Variants in ABCA7 observed in about 807,000 individuals in gnomAD.
ABCA7 encodes the protein phospholipid-transporting ATPase ABCA7.
In ABCA7, 261 loss-of-function variants were observed where a neutral mutation model predicts 227.6. The observed-to-expected ratio is 1.15, with a 90% CI of 1.04 to 1.27. The LOEUF is 1.27. Among genes scored for constraint, ABCA7 ranks in the 50% most tolerant of loss-of-function variants. The pLI is 0.00. For synonymous variants in ABCA7, 1,488 were observed against 1,279.7 expected (o/e 1.16, Z -3.47); for missense variants, 3,331 against 2,924.5 (o/e 1.14, Z -3.21).
intron 21 of ABCA7, 147 bp from the exon 22 acceptor site, chr19:1,051,795 G>T: frequency 8.3e-7 from 1 of 1,206,564 alleles, no homozygotes; most frequent in Non-Finnish European, 1.1e-6. Flanking sequence ...GGCCAGAAAA[G>T]GTTTCCAACA....
intron 12 of ABCA7, among the ~76,000 whole-genome samples, chr19:1,045,858 T>C (rs2144720731): frequency 6.6e-6 from 1 of 151,860 alleles, no homozygotes; most frequent in Admixed American, 6.6e-5. Context: ...GTACAAAAAA[T>C]TAGCCGGGCG....
rs570602213 is a variant in ABCA7, at chr19:1,063,530, G to T, written c.5713-14G>T. On this transcript the variant is annotated splice_polypyrimidine_tract_variant and intron_variant, in intron 42 of 46. Coordinates refer to ENST00000263094, the MANE Select transcript of ABCA7 (RefSeq NM_019112.4). ...AATATGAGTCCCCATGCCTACTCTGGCCCCACCCCACAGACCGCTGGCTCG... is the reference window on the plus strand; with the variant it reads ...AATATGAGTCCCCATGCCTACTCTGTCCCCACCCCACAGACCGCTGGCTCG... The T allele has an allele frequency of 2.6e-5, 42 of 1,609,264 alleles. No individual in the cohort carries two copies. In the East Asian group the frequency reaches 8.7e-4, roughly 33 times the overall value.
At chr19:1,042,271 C>G (rs2040120582) in intron 5 of ABCA7, 44 bp from the exon 6 acceptor site, 1 of 1,578,872 alleles carries the variant, frequency 6.3e-7, no homozygotes, top group Middle Eastern at 1.7e-4. Context: ...GTGCCTCAGA[C>G]CAACGTCCCC....
rs1460601682 is a variant in ABCA7, at chr19:1,056,114, C to G, written c.4287C>G (p.Gly1429=). The change falls in exon 32 of 47, where the codon GGC becomes GGG. Residue 1429 remains glycine (G), a synonymous_variant. Transcript: ENST00000263094. This position sits in a 1 kb window ranked among gnomAD's most constrained non-coding sequence, Gnocchi z 4.3. ...LGGRDPGLPS[G]QELGRSVEEL... ...GCCGAGACCCAGGCCTGCCCTCGGG[C>G]CAAGAGTTGGGCCGCTCAGTGGAGG... 1 of 1,607,898 alleles carries G rather than the reference C, an allele frequency of 6.2e-7. No individual in the cohort carries two copies. The highest frequency in any genetic ancestry group is 1.1e-5 in the South Asian group (1 of 90,802).
rs761317340 is a variant in ABCA7 at position 1,041,991 on chromosome 19, G to A, written c.302+19G>A. On this transcript the variant is annotated intron_variant, in intron 4 of 46. Coordinates refer to ENST00000263094, the MANE Select transcript of ABCA7 (RefSeq NM_019112.4). ...ACTCCCTGTGAGCCAGAGGCAGTGGGTGCGGCCGGCCTGCAAACTCGGGGC... is the reference window on the plus strand; with the variant it reads ...ACTCCCTGTGAGCCAGAGGCAGTGGATGCGGCCGGCCTGCAAACTCGGGGC... 1.3e-6 allele frequency: 2 copies of A among 1,577,284 alleles called. No individual in the cohort carries two copies. The highest frequency in any genetic ancestry group is 3.6e-5 in the Admixed American group (2 of 55,534).
chr19:1,047,897 C>G (rs1436672674), intron 16 of ABCA7, among the ~76,000 whole-genome samples: 1 of 152,206 alleles, frequency 6.6e-6, no homozygotes, highest in African/African-American at 2.4e-5. Flanking sequence ...TGGCCAGAAG[C>G]TGGCACAGTC....
chr19:1,058,717 TG>T lies in ABCA7; in HGVS notation c.5250del (p.Leu1751CysfsTer13). The T allele has an allele frequency of 6.2e-7, 1 of 1,613,954 alleles. No homozygotes were observed. The highest frequency in any genetic ancestry group is 8.5e-7 in the Non-Finnish European group (1 of 1,179,970). ...CCCCTCTTCCTTCTCTTCACACTAC[TG>T]CTGCAGCACCGAAGCCAACTCCTGC... Reference protein sequence around the residue: ...QGPLFLLFTLLLQHRSQLLPQ... With the variant: ...QGPLFLLFTLXLQHRSQLLPQ... On this transcript the variant is annotated frameshift_variant, in exon 38 of 47. Coordinates refer to ENST00000263094, the MANE Select transcript of ABCA7 (RefSeq NM_019112.4). LOFTEE classifies it high-confidence loss of function.
rs764702858 is a variant in ABCA7 at position 1,055,214 on chromosome 19, GC to G, written c.4071del (p.Asp1358ThrfsTer15). On this transcript the variant is annotated frameshift_variant, in exon 30 of 47. Transcript: ENST00000263094. LOFTEE classifies it high-confidence loss of function. The part of the protein sequence containing the change: ...CSRPGARRLL[P>X]DCPAAAGGPP... ...GCCGGCCCGGTGCCCGGCGCCTGCT[GC>G]CCGACTGCCCGGCTGCAGCTGGTGG... 3 of 1,608,392 alleles carry G rather than the reference GC, an allele frequency of 1.9e-6. No homozygotes were observed. The highest frequency in any genetic ancestry group is 1.1e-5 in the South Asian group (1 of 90,468).
Position 1,049,059 on chromosome 19 carries a change from C to G in ABCA7, c.2380+54C>G, listed in dbSNP as rs7249766. ...TTGTCCACATATGCCCAGTTCCCCC[C>G]CAAAACGAGATTCCACAGATGCCAA... On this transcript the variant is annotated intron_variant, in intron 17 of 46. Transcript: ENST00000263094. 7.7e-3 allele frequency: 8,000 copies of G among 1,042,746 alleles called. 415 individuals are homozygous for G. In the African/African-American group the frequency reaches 0.11, roughly 14 times the overall value. 64.6% of individuals were successfully genotyped at this position (1,042,746 alleles called of 1,614,324 possible).
chr19:1,049,242 G>A (rs764863575), intron 17 of ABCA7, 24 bp from the exon 18 acceptor site: 1 of 1,575,576 alleles, frequency 6.3e-7, no homozygotes, highest in Admixed American at 1.7e-5. Flanking sequence ...GACCTCCATG[G>A]CTGAGTCCAC....
At position 1,054,145 on chromosome 19, in the gene ABCA7, G is replaced by A. The variant is rs376498134; in HGVS notation, c.3577+35G>A. ...TCCCAGTGGCCCTGGGGTCCTCCCA[G>A]CCACCCCCCCACAGCAGCGTGAGCA... On this transcript the variant is annotated intron_variant, in intron 26 of 46. Transcript: ENST00000263094. This position sits in a 1 kb window ranked among gnomAD's most constrained non-coding sequence, Gnocchi z 4.8. 9.3e-6 allele frequency: 15 copies of A among 1,612,344 alleles called. No homozygotes were observed. Among genetic ancestry groups the A allele is most frequent in the Admixed American group, 3.3e-5 (2 of 59,952 alleles).
rs576442884 is a variant in ABCA7 at position 1,054,783 on chromosome 19, G to C, written c.3855G>C (p.Glu1285Asp). The change falls in exon 29 of 47, where the codon GAG (glutamate) becomes GAC (aspartate). Residue 1285 changes from glutamate (E) to aspartate (D), a missense_variant. Transcript: ENST00000263094. This position sits in a 1 kb window ranked among gnomAD's most constrained non-coding sequence, Gnocchi z 4.8. ...CTACATCTCCCCTCACACACAGTGAGGACGCCCCAGGGGACCCTGGACGTG... is the reference window on the plus strand; with the variant it reads ...CTACATCTCCCCTCACACACAGTGACGACGCCCCAGGGGACCCTGGACGTG... ...MYGAQVSFFS[E>D]DAPGDPGRAR... The C allele has an allele frequency of 3.1e-6, 5 of 1,601,352 alleles. No individual in the cohort carries two copies. The African/African-American group carries it at 4.0e-5, about 13-fold the overall frequency.
At position 1,055,238 on chromosome 19, in the gene ABCA7, T is replaced by C. The variant is rs1370910302; in HGVS notation, c.4092T>C (p.Gly1364=). ...TGCCCGACTGCCCGGCTGCAGCTGGTGGTCCCCCTCCGCCCCAGGCAGTGA... is the reference window on the plus strand; with the variant it reads ...TGCCCGACTGCCCGGCTGCAGCTGGCGGTCCCCCTCCGCCCCAGGCAGTGA... ...RLLPDCPAAA[G]GPPPPQAVTG... is the part of the protein sequence containing the mutation. The change falls in exon 30 of 47, where the codon GGT becomes GGC. Residue 1364 remains glycine (G), a synonymous_variant. Transcript: ENST00000263094. 1 of 1,605,468 alleles carries C rather than the reference T, an allele frequency of 6.2e-7. No individual in the cohort carries two copies. The highest frequency in any genetic ancestry group is 8.5e-7 in the Non-Finnish European group (1 of 1,176,556).
chr19:1,065,548 C>G lies in ABCA7; in HGVS notation c.*123C>G. On this transcript the variant is annotated 3_prime_UTR_variant, in exon 47 of 47. Coordinates refer to ENST00000263094, the MANE Select transcript of ABCA7 (RefSeq NM_019112.4). ...TGCCCTGGAGAAAATAAAGAGAAGGCTGGAGAGAAGCCGTGGTGGTGAAAC... is the reference window on the plus strand; with the variant it reads ...TGCCCTGGAGAAAATAAAGAGAAGGGTGGAGAGAAGCCGTGGTGGTGAAAC... The G allele has an allele frequency of 8.2e-7, 1 of 1,218,222 alleles. No individual in the cohort carries two copies. Among genetic ancestry groups the G allele is most frequent in the African/African-American group, 1.5e-5 (1 of 65,908 alleles). The allele number at this position is 1,218,222 out of a possible 1,614,324, so 75.5% of individuals were successfully genotyped here.
chr19:1,058,965 G>A, intron 39 of ABCA7, 25 bp downstream of exon 39: 1 of 1,612,134 alleles, frequency 6.2e-7, no homozygotes, highest in Non-Finnish European at 8.5e-7. Context: ...GTCGACTGCT[G>A]GGTGGGGGGT....
At chr19:1,050,836 T>TA in intron 18 of ABCA7, 85 bp from the exon 19 acceptor site, 1 of 1,072,386 alleles carries the variant, frequency 9.3e-7, no homozygotes, top group Non-Finnish European at 1.2e-6. Context: ...TAAAAATTTT[T>TA]TAAAAACAGA....
In ABCA7 at chr19:1,048,480, G is replaced by A. The variant is rs2040950519; in HGVS notation, c.2270-415G>A. Among the ~76,000 whole-genome samples the A allele has an allele frequency of 4.0e-5, 3 of 74,768 alleles. No individual in the cohort carries two copies. In the South Asian group the frequency reaches 1.5e-3, roughly 38 times the overall value. 49.1% of individuals were successfully genotyped at this position (74,768 alleles called of 152,430 possible). On this transcript the variant is annotated intron_variant, in intron 16 of 46. Transcript: ENST00000263094. Reference sequence around the variant, plus strand: ...CACTGCACTCCAGCCTGGGCAACAAGAGTGAAACTCAGTCTCAAAAAAAAA... The same window carrying A: ...CACTGCACTCCAGCCTGGGCAACAAAAGTGAAACTCAGTCTCAAAAAAAAA...
At position 1,047,330 on chromosome 19, in the gene ABCA7, G is replaced by C. The variant is rs1197160374; in HGVS notation, c.2019G>C (p.Leu673=). 1 of 1,597,466 alleles carries C rather than the reference G, an allele frequency of 6.3e-7. No homozygotes were observed. The highest frequency in any genetic ancestry group is 1.1e-5 in the South Asian group (1 of 90,544). ...TCTCCCTCTACCTGCCCTACGTGCT[G>C]TGTGTGGCTTGGCGGGACCGGCTGC... is the stretch of plus-strand genomic sequence containing the variant. The part of the protein sequence containing the change: ...AYFSLYLPYV[L]CVAWRDRLPA... Residue 673 remains leucine (L), a synonymous_variant, in exon 15 of 47, where the codon CTG becomes CTC. Transcript: ENST00000263094.
Position 1,049,055 on chromosome 19 carries a change from C to A in ABCA7, c.2380+50C>A, listed in dbSNP as rs1395016750. The A allele has an allele frequency of 7.6e-6, 8 of 1,054,494 alleles. No homozygotes were observed. In the East Asian group the frequency reaches 1.3e-4, roughly 17 times the overall value. The allele number at this position is 1,054,494 out of a possible 1,614,324, so 65.3% of individuals were successfully genotyped here. A position where few individuals can be genotyped will look rare whatever the true frequency, so the allele number is the denominator to read the frequency against. On this transcript the variant is annotated intron_variant, in intron 17 of 46. Coordinates refer to ENST00000263094, the MANE Select transcript of ABCA7 (RefSeq NM_019112.4). ...CTGGTTGTCCACATATGCCCAGTTC[C>A]CCCCCAAAACGAGATTCCACAGATG...
Sources: allele counts gnomAD v4.1 joint callset (sites outside exome capture counted in the v4.1 genomes callset), GRCh38; gene constraint gnomAD v4.1.1; non-coding constraint Gnocchi (gnomAD v3.1); transcripts MANE v1.5; gene names NCBI Gene and HGNC (gene_info 2026-07-23, HGNC 2026-07-21).